The following CRAT variants were observed in gnomAD, a reference collection of about 807,000 sequenced individuals.
CRAT encodes the protein carnitine acetylase.
CRAT carries 66 observed loss-of-function variants against 73.7 expected under a neutral mutation model. The observed-to-expected ratio is 0.90, with a 90% confidence interval of 0.73 to 1.10. The LOEUF (loss-of-function observed/expected upper bound fraction) is 1.10, where lower values mean the gene tolerates loss of function less well. CRAT is among the 50% of genes least tolerant of loss of function. The pLI is 0.00. For missense variants in CRAT, 745 were observed against 846.9 expected, an observed-to-expected ratio of 0.88 and a Z score of 1.49; for synonymous variants, 321 against 343.2, an observed-to-expected ratio of 0.94 and a Z score of 0.71.
intron 8 of CRAT, among the ~76,000 whole-genome samples, chr9:129,099,426 AT>A (rs55884891): frequency 0.043 from 5,150 of 121,104 alleles, 276 homozygotes; most frequent in African/African-American, 0.14. Context: ...ACCTGGCCTA[AT>A]TTTTTTTTTT....
rs202138376 is a variant in CRAT, at chr9:129,098,155, G to A, written c.1329-7C>T. 26 of 1,613,592 alleles carry A rather than the reference G, an allele frequency of 1.6e-5. No individual in the cohort carries two copies. The highest frequency in any genetic ancestry group is 2.2e-5 in the Non-Finnish European group (26 of 1,180,026). On this transcript the variant is annotated splice_polypyrimidine_tract_variant and splice_region_variant and intron_variant, in intron 10 of 13. Transcript: ENST00000318080. ...ACATGCCTGTCCGTAGATCCTGGTG[G>A]GAAATGGGGCTAAGCACGCCCCTTG... is the stretch of plus-strand genomic sequence containing the variant.
At chr9:129,101,546 C>T (rs1305870538) in intron 6 of CRAT, among the ~76,000 whole-genome samples, 3 of 152,264 alleles carry the variant, frequency 2.0e-5, no homozygotes, top group Non-Finnish European at 2.9e-5. Context: ...AAGTTAAAGA[C>T]ACGCTGTTTG....
chr9:129,107,794 G>T lies in CRAT; in HGVS notation c.291+20C>A. The T allele has an allele frequency of 6.2e-7, 1 of 1,613,146 alleles. No individual in the cohort carries two copies. Among genetic ancestry groups the T allele is most frequent in the Non-Finnish European group, 8.5e-7 (1 of 1,180,010 alleles). On this transcript the variant is annotated intron_variant, in intron 2 of 13. Transcript: ENST00000318080. The surrounding 1 kb of genome is among the most constrained non-coding windows in gnomAD (Gnocchi z 5.0). ...CATGTGCAGCCAGCAGCAGGTCACA[G>T]TGAGGATGCCCTCACTCACCCAGTT...
At chr9:129,104,109 C>T (rs2768630) in intron 3 of CRAT, 79 bp downstream of exon 3, 277,254 of 993,014 alleles carry the variant, frequency 0.28, 40,135 homozygotes, top group Admixed American at 0.32. Flanking sequence ...TAAACAGGGT[C>T]GGGGCCCCTC....
At chr9:129,098,215 C>G (rs1261028174) in intron 10 of CRAT, 34 bp downstream of exon 10, 4 of 1,613,130 alleles carry the variant, frequency 2.5e-6, no homozygotes, top group Non-Finnish European at 2.5e-6. Context: ...CCCAGGTCTC[C>G]TCCCTCCTCC....
chr9:129,109,398 T>C (rs904455394), intron 1 of CRAT: 9 of 695,740 alleles, frequency 1.3e-5, no homozygotes, highest in Admixed American at 2.9e-5. Context: ...ATCTGAGCCA[T>C]CCCTCTACGA....
intron 10 of CRAT, 45 bp from the exon 11 acceptor site, chr9:129,098,193 C>A: frequency 1.2e-6 from 2 of 1,612,532 alleles, no homozygotes; most frequent in Non-Finnish European, 1.7e-6. Flanking sequence ...GGCGGGCACC[C>A]CCTCCCCTGC....
rs965684321 is a variant in CRAT, at chr9:129,110,702, C to A, written c.-193G>T. The A allele has an allele frequency of 1.3e-5, 9 of 679,858 alleles. No homozygotes were observed. Among genetic ancestry groups the A allele is most frequent in the Non-Finnish European group, 2.0e-5 (9 of 442,538 alleles). The allele number at this position is 679,858 out of a possible 1,614,324, so 42.1% of individuals were successfully genotyped here. A position where few individuals can be genotyped will look rare whatever the true frequency, so the allele number is the denominator to read the frequency against. ...GGGCCGAGCGGGCTGCGGGAAGGCA[C>A]CCGGGGAGGAGGACTCGCGAGGCGG... On this transcript the variant is annotated 5_prime_UTR_variant, in exon 1 of 14. Coordinates refer to ENST00000318080, the MANE Select transcript of CRAT (RefSeq NM_000755.5). This position sits in a 1 kb window ranked among gnomAD's most constrained non-coding sequence, Gnocchi z 5.3.
rs567440374 is a variant in CRAT at position 129,108,190 on chromosome 9, C to T, written c.28-113G>A. On this transcript the variant is annotated intron_variant, in intron 1 of 13. Coordinates refer to ENST00000318080, the MANE Select transcript of CRAT (RefSeq NM_000755.5). ...CCATCCCTGGGGGCAGAGACGGCCT[C>T]TTGGGTGGGGCTGGCCCTGGCCTCC... The T allele has an allele frequency of 7.9e-5, 107 of 1,360,494 alleles. No homozygotes were observed. In the South Asian group the frequency reaches 1.6e-3, roughly 20 times the overall value. 84.3% of individuals were successfully genotyped at this position (1,360,494 alleles called of 1,614,324 possible). A position where few individuals can be genotyped will look rare whatever the true frequency, so the allele number is the denominator to read the frequency against.
chr9:129,108,850 CTG>C, intron 1 of CRAT: 1 of 1,304,072 alleles, frequency 7.7e-7, no homozygotes, highest in Non-Finnish European at 1.0e-6. Flanking sequence ...CTAAGCCTAA[CTG>C]TGCTACAAAG....
At position 129,095,351 on chromosome 9, in the gene CRAT, C is replaced by T. The variant is rs2229419; in HGVS notation, c.*46G>A. 0.3 allele frequency: 480,569 copies of T among 1,590,008 alleles called. 75,451 individuals carry two copies. Among genetic ancestry groups the T allele is most frequent in the African/African-American group, 0.51 (38,064 of 74,660 alleles). On this transcript the variant is annotated 3_prime_UTR_variant, in exon 14 of 14. Coordinates refer to ENST00000318080, the MANE Select transcript of CRAT (RefSeq NM_000755.5). ...CTGAGCCCTGGTGGGTGGCCCATCC[C>T]AGGGTGGGCTTGGCTGTGGCATTGG...
chr9:129,107,881 G>T lies in CRAT; in HGVS notation c.224C>A (p.Ala75Asp). The T allele has an allele frequency of 6.2e-7, 1 of 1,612,074 alleles. No homozygotes were observed. ...HTKQLVDEFQ[A>D]SGGVGERLQK... ...CAGGCGCTCCCCTACACCTCCTGAG[G>T]CCTGAAACTCATCCACCAGCTGCTT... is the stretch of plus-strand genomic sequence containing the variant. The change falls in exon 2 of 14, where the codon GCC becomes GAC. Residue 75 changes from alanine (A) to aspartate (D), a missense_variant. Transcript: ENST00000318080. This position sits in a 1 kb window ranked among gnomAD's most constrained non-coding sequence, Gnocchi z 5.0.
At chr9:129,097,537 C>T (rs1847357294) in intron 11 of CRAT, among the ~76,000 whole-genome samples, 4 of 151,916 alleles carry the variant, frequency 2.6e-5, no homozygotes, top group South Asian at 2.1e-4. Context: ...GGTGAAATCC[C>T]GTTTCTACTA....
Position 129,108,069 on chromosome 9 carries a change from AG to A in CRAT, c.35del (p.Pro12LeufsTer5). The A allele has an allele frequency of 6.6e-7, 1 of 1,515,404 alleles. No individual in the cohort carries two copies. The highest frequency in any genetic ancestry group is 8.8e-7 in the Non-Finnish European group (1 of 1,138,768). 93.9% of individuals were successfully genotyped at this position (1,515,404 alleles called of 1,614,324 possible). The stretch of plus-strand genomic sequence containing the variant: ...AGGAGAAGGGCTTCAGGAAGCCCAG[AG>A]GCTTCACCTGCAGGTAGCAGAACAT... ...LAFAARTVVK[P>X]LGFLKPFSLM... On this transcript the variant is annotated frameshift_variant, in exon 2 of 14. Coordinates refer to ENST00000318080, the MANE Select transcript of CRAT (RefSeq NM_000755.5). LOFTEE classifies it high-confidence loss of function.
At chr9:129,096,232 T>G (rs1050213832) in intron 12 of CRAT, 97 bp from the exon 13 acceptor site, 20 of 1,492,280 alleles carry the variant, frequency 1.3e-5, no homozygotes, top group Non-Finnish European at 1.6e-5. Context: ...TCGCAGGCAC[T>G]GGCCACTCAA....
At chr9:129,108,229 C>T (rs1464212129) in intron 1 of CRAT, 152 bp from the exon 2 acceptor site, 3 of 1,131,470 alleles carry the variant, frequency 2.7e-6, no homozygotes, top group Non-Finnish European at 3.6e-6. Flanking sequence ...CCCTAGAGCT[C>T]TAGGTGTCCC....
rs1588437521 is a variant in CRAT, at chr9:129,095,155, C to T, written c.*242G>A. 7 of 568,618 alleles carry T rather than the reference C, an allele frequency of 1.2e-5. No homozygotes were observed. The East Asian group carries it at 1.5e-4, about 12-fold the overall frequency. The allele number at this position is 568,618 out of a possible 1,614,324, so 35.2% of individuals were successfully genotyped here. On this transcript the variant is annotated 3_prime_UTR_variant, in exon 14 of 14. Coordinates refer to ENST00000318080, the MANE Select transcript of CRAT (RefSeq NM_000755.5). ...GGACGTGCCAGGGGCCCGGGCCTAACGTCCTGCTCAGCCTCTGCACTCAGC... is the reference window on the plus strand; with the variant it reads ...GGACGTGCCAGGGGCCCGGGCCTAATGTCCTGCTCAGCCTCTGCACTCAGC...
intron 12 of CRAT, 156 bp from the exon 13 acceptor site, chr9:129,096,291 A>G (rs1847278945): frequency 1.0e-6 from 1 of 986,754 alleles, no homozygotes; most frequent in Non-Finnish European, 1.5e-6. Context: ...CGTTTCACAG[A>G]TGGGGAAACC....
In CRAT at chr9:129,107,310, G is replaced by A. The variant is rs1848075213; in HGVS notation, c.291+504C>T. ...GACTCCCAAAGTGCTGGGATTATAG[G>A]TGTGAGTCACTGCATCCAGCTGCCA... On this transcript the variant is annotated intron_variant, in intron 2 of 13. Coordinates refer to ENST00000318080, the MANE Select transcript of CRAT (RefSeq NM_000755.5). This position sits in a 1 kb window ranked among gnomAD's most constrained non-coding sequence, Gnocchi z 5.0. 2.7e-6 allele frequency: 1 copy of A among 364,718 alleles called. No individual in the cohort carries two copies. Among genetic ancestry groups the A allele is most frequent in the South Asian group, 3.2e-5 (1 of 30,820 alleles). The allele number at this position is 364,718 out of a possible 1,614,324, so 22.6% of individuals were successfully genotyped here.
Sources: allele counts gnomAD v4.1 joint callset (sites outside exome capture counted in the v4.1 genomes callset), GRCh38; gene constraint gnomAD v4.1.1; non-coding constraint Gnocchi (gnomAD v3.1); transcripts MANE v1.5; gene names NCBI Gene and HGNC (gene_info 2026-07-23, HGNC 2026-07-21).